Variants in FBXL17 observed in about 807,000 individuals in gnomAD.
FBXL17 encodes F-box and leucine rich repeat protein 17.
Under a neutral mutation model 66.2 loss-of-function variants are expected in FBXL17, and 22 were observed. The observed-to-expected ratio is 0.33, with a 90% confidence interval of 0.24 to 0.47. The LOEUF is 0.47. FBXL17 is among the 20% of genes least tolerant of loss of function. FBXL17 has a pLI of 1.00. For missense variants in FBXL17, 878 were observed against 948.2 expected (o/e 0.93, Z 0.97); for synonymous variants, 474 against 400.5 (o/e 1.18, Z -2.19).
intron 6 of FBXL17, among the ~76,000 whole-genome samples, chr5:108,144,681 T>C (rs760041468): frequency 5.3e-5 from 8 of 152,160 alleles, no homozygotes; most frequent in Non-Finnish European, 7.4e-5. Context: ...CCTCATACAG[T>C]ATGTCTAATA....
intron 7 of FBXL17, among the ~76,000 whole-genome samples, chr5:107,976,659 A>G (rs533128676): frequency 1.3e-4 from 20 of 152,340 alleles, no homozygotes; most frequent in African/African-American, 4.6e-4. Context: ...GAGTAGAAAA[A>G]AGGAACACAT....
At chr5:108,380,476 A>G (rs1392523537) in intron 1 of FBXL17, among the ~76,000 whole-genome samples, 1 of 152,206 alleles carries the variant, frequency 6.6e-6, no homozygotes, top group Non-Finnish European at 1.5e-5. Context: ...TGGGTTATAG[A>G]GTCAAGCTAT....
chr5:108,174,105 C>A (rs1213320182), intron 6 of FBXL17, among the ~76,000 whole-genome samples: 1 of 152,132 alleles, frequency 6.6e-6, no homozygotes, highest in Admixed American at 6.5e-5. Flanking sequence ...CCACATTCAG[C>A]AAGCTATCAT....
At chr5:108,107,831 A>G (rs1237028027) in intron 6 of FBXL17, among the ~76,000 whole-genome samples, 2 of 148,716 alleles carry the variant, frequency 1.3e-5, no homozygotes, top group African/African-American at 4.9e-5. Context: ...AAAGAAAAGA[A>G]AAAAGAAAAA....
chr5:108,207,298 C>T (rs73212245), intron 5 of FBXL17, among the ~76,000 whole-genome samples: 8 of 151,872 alleles, frequency 5.3e-5, no homozygotes, highest in African/African-American at 1.9e-4. Flanking sequence ...GTTCTGGTTT[C>T]TCTAAATTCT....
At chr5:107,963,521 C>A (rs1426067930) in intron 7 of FBXL17, among the ~76,000 whole-genome samples, 2 of 152,084 alleles carry the variant, frequency 1.3e-5, no homozygotes, top group East Asian at 3.8e-4. Flanking sequence ...ATGGTGGATT[C>A]TCTAGTTAGG....
chr5:107,958,196 G>A (rs1225356969), intron 7 of FBXL17, among the ~76,000 whole-genome samples: 1 of 150,588 alleles, frequency 6.6e-6, no homozygotes, highest in Non-Finnish European at 1.5e-5. Flanking sequence ...CCCAGGTTCT[G>A]TCTTTATTTA....
intron 6 of FBXL17, among the ~76,000 whole-genome samples, chr5:108,172,176 T>G (rs903517569): frequency 6.6e-6 from 1 of 152,222 alleles, no homozygotes; most frequent in Non-Finnish European, 1.5e-5. Flanking sequence ...TTGTTTAGAC[T>G]TCCATCTTCA....
At position 107,946,255 on chromosome 5, in the gene FBXL17, T is replaced by TTATA. The variant is rs55643516; in HGVS notation, c.1823-65080_1823-65077dup. On this transcript the variant is annotated intron_variant, in intron 7 of 8. Coordinates refer to ENST00000542267, the MANE Select transcript of FBXL17 (RefSeq NM_001163315.3). The stretch of plus-strand genomic sequence containing the variant: ...TATTATTACTTTTATCAATCTCATT[T>TTATA]TATATATATATATATATATATATAT... 8.5e-3 allele frequency among the ~76,000 whole-genome samples: 342 copies of TTATA among 40,268 alleles called. 6 individuals carry two copies. Among genetic ancestry groups the TTATA allele is most frequent in the African/African-American group, 9.2e-3 (80 of 8,662 alleles). 26.4% of individuals were successfully genotyped at this position (40,268 alleles called of 152,430 possible).
At chr5:108,097,009 C>G (rs1177064296) in intron 6 of FBXL17, among the ~76,000 whole-genome samples, 1 of 152,170 alleles carries the variant, frequency 6.6e-6, no homozygotes, top group African/African-American at 2.4e-5. Flanking sequence ...TGGTTTGGCT[C>G]TGTGTCCCCA....
chr5:108,260,252 G>A (rs567844622), intron 4 of FBXL17, among the ~76,000 whole-genome samples: 1 of 152,208 alleles, frequency 6.6e-6, no homozygotes, highest in African/African-American at 2.4e-5. Context: ...CTCTTGTGAA[G>A]TGAAGGTGAA....
At chr5:108,285,718 G>A (rs1051538266) in intron 4 of FBXL17, among the ~76,000 whole-genome samples, 9 of 151,678 alleles carry the variant, frequency 5.9e-5, no homozygotes, top group Non-Finnish European at 1.3e-4. Context: ...TAAACAGTGG[G>A]CTTACAATAT....
intron 5 of FBXL17, among the ~76,000 whole-genome samples, chr5:108,197,802 CAAATA>C (rs1173573033): frequency 6.6e-6 from 1 of 152,138 alleles, no homozygotes. Context: ...TCTACACTCT[CAAATA>C]AAATATCTTT....
At chr5:108,240,050 CA>C (rs2150098926) in intron 4 of FBXL17, among the ~76,000 whole-genome samples, 1 of 152,230 alleles carries the variant, frequency 6.6e-6, no homozygotes, top group South Asian at 2.1e-4. Context: ...CCTGAATAAT[CA>C]GAAGCAGTAC....
At chr5:107,907,934 C>T (rs1749819176) in intron 7 of FBXL17, among the ~76,000 whole-genome samples, 1 of 152,180 alleles carries the variant, frequency 6.6e-6, no homozygotes, top group African/African-American at 2.4e-5. Flanking sequence ...ACCCAGCCAT[C>T]CCATTACTGG....
At chr5:108,174,329 T>A (rs286771) in intron 6 of FBXL17, among the ~76,000 whole-genome samples, 29,525 of 152,132 alleles carry the variant, frequency 0.19, 2,931 homozygotes, top group South Asian at 0.32. Context: ...TTAACACTTT[T>A]AAAAAATAGT....
chr5:108,254,750 T>C (rs944913037), intron 4 of FBXL17, among the ~76,000 whole-genome samples: 2 of 152,172 alleles, frequency 1.3e-5, no homozygotes, highest in Admixed American at 6.6e-5. Flanking sequence ...AGCTAAATAA[T>C]CATGGTAAAA....
chr5:108,108,406 T>G (rs185431559), intron 6 of FBXL17, among the ~76,000 whole-genome samples: 18 of 152,332 alleles, frequency 1.2e-4, no homozygotes, highest in Admixed American at 1.0e-3. Flanking sequence ...TTAATGAAAG[T>G]GTTTAGAAAA....
chr5:108,333,872 ATTAC>A (rs1169169962), intron 4 of FBXL17, among the ~76,000 whole-genome samples: 2 of 152,178 alleles, frequency 1.3e-5, no homozygotes, highest in African/African-American at 4.8e-5. Context: ...TTTATTCAAA[ATTAC>A]TTAGTGAGGT....
Sources: allele counts gnomAD v4.1 joint callset (sites outside exome capture counted in the v4.1 genomes callset), GRCh38; gene constraint gnomAD v4.1.1; transcripts MANE v1.5; gene names NCBI Gene and HGNC (gene_info 2026-07-23, HGNC 2026-07-21).